The following TIGD1 variants were observed in gnomAD, a reference collection of about 807,000 sequenced individuals.
The protein encoded by TIGD1 is tigger transposable element derived 1.
TIGD1 carries 20 observed loss-of-function variants against 21.3 expected under a neutral mutation model. The ratio of observed to expected loss-of-function variants is 0.94; its 90% CI spans 0.66 to 1.36. TIGD1 has a LOEUF of 1.36. Among genes scored for constraint, TIGD1 ranks in the 40% most tolerant of loss-of-function variants. The probability of loss-of-function intolerance (pLI) is 0.00; values close to 1 mark genes in which losing one functional copy is unlikely to be tolerated. For missense variants in TIGD1, 556 were observed against 350.5 expected, an observed-to-expected ratio of 1.59 and a Z score of -4.68; for synonymous variants, 177 against 123.2, an observed-to-expected ratio of 1.44 and a Z score of -2.89.
rs971708821 is a variant in TIGD1, at chr2:232,550,335, G to C, written c.-453C>G. 2.7e-6 allele frequency: 1 copy of C among 372,284 alleles called. No homozygotes were observed. Among genetic ancestry groups the C allele is most frequent in the Non-Finnish European group, 5.1e-6 (1 of 196,406 alleles). 23.1% of individuals were successfully genotyped at this position (372,284 alleles called of 1,614,324 possible). A position where few individuals can be genotyped will look rare whatever the true frequency, so the allele number is the denominator to read the frequency against. On this transcript the variant is annotated 5_prime_UTR_variant, in exon 1 of 1. Transcript: ENST00000408957. ...AAGGAAAGCCTCCGGGAGGTCAAAAGAGATACCAGAGAGTGCGTCCCGCAC... is the reference window on the plus strand; with the variant it reads ...AAGGAAAGCCTCCGGGAGGTCAAAACAGATACCAGAGAGTGCGTCCCGCAC...
chr2:232,544,920 G>T lies in TIGD1; in HGVS notation c.*3187C>A, dbSNP rs770089601. 1.2e-6 allele frequency: 2 copies of T among 1,613,780 alleles called. No individual in the cohort carries two copies. The highest frequency in any genetic ancestry group is 1.7e-5 in the Admixed American group (1 of 60,004). The stretch of plus-strand genomic sequence containing the variant: ...TTGACAATGTAAGCTGAGTCAGGGT[G>T]GGGTGGAGGTGGAGTGAGTACCTGG... On this transcript the variant is annotated 3_prime_UTR_variant, in exon 1 of 1. Coordinates refer to ENST00000408957, the MANE Select transcript of TIGD1 (RefSeq NM_145702.4).
At position 232,544,728 on chromosome 2, in the gene TIGD1, T is replaced by C. The variant is rs200592385; in HGVS notation, c.*3379A>G. 13 of 1,612,530 alleles carry C rather than the reference T, an allele frequency of 8.1e-6. No individual in the cohort carries two copies. Among genetic ancestry groups the C allele is most frequent in the Non-Finnish European group, 1.1e-5 (13 of 1,179,168 alleles). Reference sequence around the variant, plus strand: ...GGAGAGGCCATCTTCTCTGCCTGTTTCTCCTCCATTCTACTCCCAAACCTT... The same window carrying C: ...GGAGAGGCCATCTTCTCTGCCTGTTCCTCCTCCATTCTACTCCCAAACCTT... On this transcript the variant is annotated 3_prime_UTR_variant, in exon 1 of 1. Coordinates refer to ENST00000408957, the MANE Select transcript of TIGD1 (RefSeq NM_145702.4).
chr2:232,545,984 T>A lies in TIGD1; in HGVS notation c.*2123A>T, dbSNP rs1009342484. The stretch of plus-strand genomic sequence containing the variant: ...ATCCTGGCACCAGCCACCCCTCCAC[T>A]CAGTGCACTCCCCTCACTTAGGCAA... On this transcript the variant is annotated 3_prime_UTR_variant, in exon 1 of 1. Transcript: ENST00000408957. The A allele has an allele frequency of 6.8e-6, 4 of 587,964 alleles. No homozygotes were observed. In the Admixed American group the frequency reaches 1.0e-4, roughly 15 times the overall value. The allele number at this position is 587,964 out of a possible 1,614,324, so 36.4% of individuals were successfully genotyped here. A position where few individuals can be genotyped will look rare whatever the true frequency, so the allele number is the denominator to read the frequency against.
chr2:232,544,807 G>A lies in TIGD1; in HGVS notation c.*3300C>T, dbSNP rs1448524043. 2 of 1,613,886 alleles carry A rather than the reference G, an allele frequency of 1.2e-6. No homozygotes were observed. Among genetic ancestry groups the A allele is most frequent in the Non-Finnish European group, 1.7e-6 (2 of 1,179,994 alleles). ...GGAGTTAGGGCTGAGCCAGTTCTGT[G>A]GCAGCCTGAAGCAGGCTGCCCCAGC... is the stretch of plus-strand genomic sequence containing the variant. On this transcript the variant is annotated 3_prime_UTR_variant, in exon 1 of 1. Coordinates refer to ENST00000408957, the MANE Select transcript of TIGD1 (RefSeq NM_145702.4).
At position 232,548,850 on chromosome 2, in the gene TIGD1, A is replaced by G; in HGVS notation, c.1033T>C (p.Tyr345His). 1.6e-6 allele frequency: 1 copy of G among 611,828 alleles called. No homozygotes were observed. Among genetic ancestry groups the G allele is most frequent in the Non-Finnish European group, 3.0e-6 (1 of 333,940 alleles). 37.9% of individuals were successfully genotyped at this position (611,828 alleles called of 1,614,324 possible). A position where few individuals can be genotyped will look rare whatever the true frequency, so the allele number is the denominator to read the frequency against. The change falls in exon 1 of 1, where the codon TAT becomes CAT. Residue 345 changes from tyrosine to histidine, a missense_variant. Coordinates refer to ENST00000408957, the MANE Select transcript of TIGD1 (RefSeq NM_145702.4). Reference protein sequence around the residue: ...DQGVISTFKSYYLRNTFHKAL... With the variant: ...DQGVISTFKSHYLRNTFHKAL... ...TTATGAAATGTATTTCTCAAATAAT[A>G]AGACTTGAAGGTCGAAATTACCCCT... is the stretch of plus-strand genomic sequence containing the variant.
rs57021172 is a variant in TIGD1 at position 232,546,308 on chromosome 2, C to CTTTTTT, written c.*1793_*1798dup. 33 of 94,836 alleles carry CTTTTTT rather than the reference C, an allele frequency of 3.5e-4. No homozygotes were observed. Among genetic ancestry groups the CTTTTTT allele is most frequent in the African/African-American group, 1.1e-3 (29 of 26,136 alleles). The allele number at this position is 94,836 out of a possible 1,614,324, so 5.9% of individuals were successfully genotyped here. On this transcript the variant is annotated 3_prime_UTR_variant, in exon 1 of 1. Transcript: ENST00000408957. ...ACGATTTCCTGAGTTTTGTAATCCT[C>CTTTTTT]TTTTTTTTTTTTTTTTTTTTAGTTT...
rs1280074428 is a variant in TIGD1 at position 232,545,476 on chromosome 2, T to C, written c.*2631A>G. 5.7e-6 allele frequency: 8 copies of C among 1,413,594 alleles called. No individual in the cohort carries two copies. The highest frequency in any genetic ancestry group is 1.2e-5 in the South Asian group (1 of 83,396). The allele number at this position is 1,413,594 out of a possible 1,614,324, so 87.6% of individuals were successfully genotyped here. A position where few individuals can be genotyped will look rare whatever the true frequency, so the allele number is the denominator to read the frequency against. ...CATGGGCCTGCTGGAAGCCCAAGGA[T>C]GAGAACAGGACCCAGGGAAGACCTG... On this transcript the variant is annotated 3_prime_UTR_variant, in exon 1 of 1. Transcript: ENST00000408957.
chr2:232,544,652 T>C lies in TIGD1; in HGVS notation c.*3455A>G. The C allele has an allele frequency of 1.3e-6, 2 of 1,563,382 alleles. No homozygotes were observed. Among genetic ancestry groups the C allele is most frequent in the Non-Finnish European group, 1.8e-6 (2 of 1,135,872 alleles). ...CAGCTGGGGAGCCAGGCACAGCAGA[T>C]GAGTGCTGGAGAAGTGCCCAGGTCA... On this transcript the variant is annotated 3_prime_UTR_variant, in exon 1 of 1. Coordinates refer to ENST00000408957, the MANE Select transcript of TIGD1 (RefSeq NM_145702.4).
rs753160141 is a variant in TIGD1 at position 232,548,594 on chromosome 2, TCCA to T, written c.1286_1288del (p.Val429del). 11 of 572,974 alleles carry T rather than the reference TCCA, an allele frequency of 1.9e-5. No individual in the cohort carries two copies. Among genetic ancestry groups the T allele is most frequent in the Non-Finnish European group, 3.3e-5 (10 of 307,248 alleles). The allele number at this position is 572,974 out of a possible 1,614,324, so 35.5% of individuals were successfully genotyped here. Reference sequence around the variant, plus strand: ...TTCTAATTCTAGTTCTTTTGCTATTTCCACCACATCTGCACTTACTTCCTCCAC... The same window carrying T: ...TTCTAATTCTAGTTCTTTTGCTATTTCCACATCTGCACTTACTTCCTCCAC... On this transcript the variant is annotated inframe_deletion, in exon 1 of 1. Coordinates refer to ENST00000408957, the MANE Select transcript of TIGD1 (RefSeq NM_145702.4).
Position 232,544,542 on chromosome 2 carries a change from AGCGGCAAGGGCTGGTG to A in TIGD1, c.*3549_*3564del, listed in dbSNP as rs1259913837. ...AGTGAACTCCTCTTCCAGCAGTGGC[AGCGGCAAGGGCTGGTG>A]GCGGCAGCGCTGGAGAAGCTAGGTG... On this transcript the variant is annotated 3_prime_UTR_variant, in exon 1 of 1. Transcript: ENST00000408957. 1.9e-6 allele frequency: 3 copies of A among 1,613,642 alleles called. No homozygotes were observed. The African/African-American group carries it at 4.0e-5, about 22-fold the overall frequency.
chr2:232,547,103 G>C lies in TIGD1; in HGVS notation c.*1004C>G, dbSNP rs1192524639. On this transcript the variant is annotated 3_prime_UTR_variant, in exon 1 of 1. Transcript: ENST00000408957. ...GGCTGTTCCCTCATCTGTAAATAAG[G>C]TGCAAAAAATAATCCATTCCTGGCC... Among the ~76,000 whole-genome samples the C allele has an allele frequency of 6.6e-6, 1 of 152,094 alleles. No homozygotes were observed. Among genetic ancestry groups the C allele is most frequent in the African/African-American group, 2.4e-5 (1 of 41,414 alleles).
rs1397688991 is a variant in TIGD1, at chr2:232,548,395, T to C, written c.1488A>G (p.Ile496Met). The change falls in exon 1 of 1, where the codon ATA becomes ATG. Residue 496 changes from isoleucine (I) to methionine (M), a missense_variant. By Grantham distance (10) the Ile-to-Met change is conservative. Transcript: ENST00000408957. Reference protein sequence around the residue: ...EMTTKDLEYYINLVDKAAAGF... With the variant: ...EMTTKDLEYYMNLVDKAAAGF... ...CTGCTGCTGCTTTATCAACTAAGTT[T>C]ATGTAATATTCTAAATCCTTTGTTG... 1.2e-6 allele frequency: 1 copy of C among 803,966 alleles called. No individual in the cohort carries two copies. The highest frequency in any genetic ancestry group is 2.6e-5 in the East Asian group (1 of 37,814). 49.8% of individuals were successfully genotyped at this position (803,966 alleles called of 1,614,324 possible). A position where few individuals can be genotyped will look rare whatever the true frequency, so the allele number is the denominator to read the frequency against.
Position 232,544,303 on chromosome 2 carries a change from G to A in TIGD1, c.*3804C>T, listed in dbSNP as rs2250451. The A allele has an allele frequency of 0.23, 296,410 of 1,292,036 alleles. 35,836 individuals are homozygous for A. The highest frequency in any genetic ancestry group is 0.27 in the East Asian group (11,823 of 43,422). The allele number at this position is 1,292,036 out of a possible 1,614,324, so 80.0% of individuals were successfully genotyped here. A position where few individuals can be genotyped will look rare whatever the true frequency, so the allele number is the denominator to read the frequency against. ...GTCCCTAGCAGCACAAGCCCTTCAC[G>A]CCAACCTCTGGCTTCTGCTCTGAAG... On this transcript the variant is annotated 3_prime_UTR_variant, in exon 1 of 1. Coordinates refer to ENST00000408957, the MANE Select transcript of TIGD1 (RefSeq NM_145702.4).
chr2:232,547,201 GCCCACGAA>G lies in TIGD1; in HGVS notation c.*898_*905del, dbSNP rs1692147982. On this transcript the variant is annotated 3_prime_UTR_variant, in exon 1 of 1. Transcript: ENST00000408957. ...GTGGGTGGACTGCTTGAGCTCAGGA[GCCCACGAA>G]CCCAGGAACCCAGCCTGGGCAACAT... is the stretch of plus-strand genomic sequence containing the variant. Among the ~76,000 whole-genome samples, 1 of 152,138 alleles carries G rather than the reference GCCCACGAA, an allele frequency of 6.6e-6. No homozygotes were observed. Among genetic ancestry groups the G allele is most frequent in the Non-Finnish European group, 1.5e-5 (1 of 68,014 alleles).
In TIGD1 at chr2:232,549,280, G is replaced by C; in HGVS notation, c.603C>G (p.Phe201Leu). The change falls in exon 1 of 1, where the codon TTC becomes TTG. Residue 201 changes from phenylalanine (F) to leucine (L), a missense_variant. Transcript: ENST00000408957. ...FYWKKMPSRT[F>L]IAREEKSVPG... Reference sequence around the variant, plus strand: ...GCACTGACTTCTCCTCTCTAGCTATGAAAGTTCTAGATGGCATCTTCTTCC... The same window carrying C: ...GCACTGACTTCTCCTCTCTAGCTATCAAAGTTCTAGATGGCATCTTCTTCC... 1 of 666,792 alleles carries C rather than the reference G, an allele frequency of 1.5e-6. No homozygotes were observed. Among genetic ancestry groups the C allele is most frequent in the South Asian group, 1.7e-5 (1 of 60,120 alleles). 41.3% of individuals were successfully genotyped at this position (666,792 alleles called of 1,614,324 possible).
rs961652206 is a variant in TIGD1, at chr2:232,544,402, G to A, written c.*3705C>T. ...GGCTCTTGCCCCAGCTGCTGAGGAT[G>A]CACGTTCGCCCGCTGGCCCCGGCAG... On this transcript the variant is annotated 3_prime_UTR_variant, in exon 1 of 1. Coordinates refer to ENST00000408957, the MANE Select transcript of TIGD1 (RefSeq NM_145702.4). 1.2e-6 allele frequency: 2 copies of A among 1,613,364 alleles called. No homozygotes were observed. Among genetic ancestry groups the A allele is most frequent in the African/African-American group, 2.7e-5 (2 of 74,928 alleles).
Position 232,545,604 on chromosome 2 carries a change from TCTCG to T in TIGD1, c.*2499_*2502del. The T allele has an allele frequency of 6.2e-7, 1 of 1,614,074 alleles. No individual in the cohort carries two copies. The highest frequency in any genetic ancestry group is 8.5e-7 in the Non-Finnish European group (1 of 1,180,026). ...GACCGCGTCTGCTTCCTGGCCATGC[TCTCG>T]CTCTTCATCTGTGGCACAGCTGGCA... On this transcript the variant is annotated 3_prime_UTR_variant, in exon 1 of 1. Transcript: ENST00000408957.
chr2:232,544,843 T>C lies in TIGD1; in HGVS notation c.*3264A>G. 1 of 1,613,926 alleles carries C rather than the reference T, an allele frequency of 6.2e-7. No individual in the cohort carries two copies. The highest frequency in any genetic ancestry group is 1.1e-5 in the South Asian group (1 of 91,084). On this transcript the variant is annotated 3_prime_UTR_variant, in exon 1 of 1. Transcript: ENST00000408957. ...GCAGGCTGCCCCAGCCATCCAGGCC[T>C]GTGTGGAAGCCTGCAACCTCATTGC... is the stretch of plus-strand genomic sequence containing the variant.
rs140310393 is a variant in TIGD1, at chr2:232,549,292, T to C, written c.591A>G (p.Pro197=). The C allele has an allele frequency of 3.5e-3, 2,307 of 667,530 alleles. 53 individuals are homozygous for C. The African/African-American group carries it at 0.037, about 11-fold the overall frequency. The allele number at this position is 667,530 out of a possible 1,614,324, so 41.4% of individuals were successfully genotyped here. ...DETAFYWKKM[P]SRTFIAREEK... ...CCTCTCTAGCTATGAAAGTTCTAGA[T>C]GGCATCTTCTTCCAATAGAAGGCTG... Residue 197 remains proline (P), a synonymous_variant, in exon 1 of 1, where the codon CCA becomes CCG. Transcript: ENST00000408957.
Sources: gnomAD v4.1 joint callset for allele counts (sites outside exome capture counted in the v4.1 genomes callset) on GRCh38, gnomAD v4.1.1 for gene constraint, MANE v1.5 for transcripts, NCBI Gene and HGNC (gene_info 2026-07-23, HGNC 2026-07-21) for gene names.